Variants in ROBO1 observed in about 807,000 individuals in gnomAD.
ROBO1 encodes roundabout homolog 1.
In ROBO1, 149 loss-of-function variants were observed where a neutral mutation model predicts 195.9. The ratio of observed to expected loss-of-function variants is 0.76; its 90% CI spans 0.67 to 0.87. The LOEUF is 0.87. Ranked by LOEUF, ROBO1 falls within the 40% of genes least tolerant of loss-of-function variation. ROBO1 has a pLI of 0.00. For synonymous variants in ROBO1, 816 were observed against 733.2 expected (o/e 1.11, Z -1.82); for missense variants, 1,933 against 2,068.3 (o/e 0.93, Z 1.27).
In ROBO1 at chr3:78,809,374, G is replaced by A. The variant is rs376077253; in HGVS notation, c.500-62474C>T. ...GGAGAGGATGTGGAGAAATAGGAAC[G>A]CTTTTACACTGTTGGTGGGAGTGTC... On this transcript the variant is annotated intron_variant, in intron 4 of 30. Transcript: ENST00000464233. Among the ~76,000 whole-genome samples the A allele has an allele frequency of 3.3e-3, 502 of 152,206 alleles. 2 individuals carry two copies. The highest frequency in any genetic ancestry group is 8.5e-3 in the African/African-American group (352 of 41,548).
chr3:79,516,877 G>T (rs1940968178), intron 2 of ROBO1, among the ~76,000 whole-genome samples: 1 of 152,092 alleles, frequency 6.6e-6, no homozygotes, highest in African/African-American at 2.4e-5. Flanking sequence ...TTTTTTACAA[G>T]AAAGAAAGAT....
chr3:79,703,101 T>G (rs1376067337), intron 1 of ROBO1, among the ~76,000 whole-genome samples: 2 of 151,924 alleles, frequency 1.3e-5, no homozygotes, highest in African/African-American at 4.8e-5. Flanking sequence ...AAGGTTAATG[T>G]AAAATTCTAA....
chr3:78,662,296 AAG>A (rs1316079496), intron 14 of ROBO1, among the ~76,000 whole-genome samples, 182 bp from the exon 15 acceptor site: 1 of 152,144 alleles, frequency 6.6e-6, no homozygotes, highest in African/African-American at 2.4e-5. Context: ...TCAGGAAAGT[AAG>A]AGGGGATAGA....
chr3:78,775,121 T>G (rs2108449033), intron 4 of ROBO1, among the ~76,000 whole-genome samples: 1 of 152,296 alleles, frequency 6.6e-6, no homozygotes, highest in Admixed American at 6.5e-5. Flanking sequence ...AAGATGTCAG[T>G]TTGTACCCAT....
At position 78,754,193 on chromosome 3, in the gene ROBO1, T is replaced by C. The variant is rs561361524; in HGVS notation, c.500-7293A>G. ...CTTGCCATTTATATGGTGCATTACA[T>C]CTGCAAAGAAGTATTGCTATTAGTC... On this transcript the variant is annotated intron_variant, in intron 4 of 30. Transcript: ENST00000464233. 3.3e-5 allele frequency among the ~76,000 whole-genome samples: 5 copies of C among 152,324 alleles called. 1 individual carries two copies. Among genetic ancestry groups the C allele is most frequent in the Admixed American group, 3.3e-4 (5 of 15,296 alleles).
chr3:79,169,790 C>A (rs2081134545), intron 2 of ROBO1, among the ~76,000 whole-genome samples: 1 of 151,988 alleles, frequency 6.6e-6, no homozygotes, highest in Admixed American at 6.6e-5. Context: ...TATCTCAATT[C>A]AAAATTTCAC....
chr3:79,095,495 A>G (rs2079550976), intron 3 of ROBO1, among the ~76,000 whole-genome samples: 1 of 152,046 alleles, frequency 6.6e-6, no homozygotes, highest in Admixed American at 6.6e-5. Flanking sequence ...TCTTCCTGGA[A>G]GATGAACCTC....
At chr3:79,050,277 A>C (rs572492355) in intron 3 of ROBO1, among the ~76,000 whole-genome samples, 1 of 152,300 alleles carries the variant, frequency 6.6e-6, no homozygotes, top group Non-Finnish European at 1.5e-5. Context: ...GCTTTAAACC[A>C]ACAAAGATCA....
intron 8 of ROBO1, among the ~76,000 whole-genome samples, chr3:78,710,844 CA>C (rs2081666448): frequency 6.6e-6 from 1 of 152,302 alleles, no homozygotes; most frequent in South Asian, 2.1e-4. Context: ...AGTAACTCCT[CA>C]TTCCTGAGGT....
At chr3:79,232,104 T>C (rs1357793659) in intron 2 of ROBO1, among the ~76,000 whole-genome samples, 12 of 151,982 alleles carry the variant, frequency 7.9e-5, no homozygotes, top group Non-Finnish European at 1.8e-4. Context: ...TAACGGATAC[T>C]AGGCTTAATA....
intron 2 of ROBO1, among the ~76,000 whole-genome samples, chr3:79,254,293 T>C (rs1268326118): frequency 5.3e-5 from 8 of 152,190 alleles, no homozygotes; most frequent in African/African-American, 1.7e-4. Context: ...ACCTGCTGTT[T>C]TGCATAATAG....
intron 4 of ROBO1, among the ~76,000 whole-genome samples, chr3:78,782,066 T>A (rs1003805417): frequency 6.6e-5 from 10 of 152,214 alleles, no homozygotes; most frequent in Non-Finnish European, 1.3e-4. Flanking sequence ...ATTATTCTAC[T>A]GTAGTTATCT....
At chr3:79,751,265 T>C (rs1379076855) in intron 1 of ROBO1, among the ~76,000 whole-genome samples, 1 of 152,200 alleles carries the variant, frequency 6.6e-6, no homozygotes, top group Non-Finnish European at 1.5e-5. Flanking sequence ...TTACATACTG[T>C]TTATGATTTA....
At chr3:79,738,578 G>A (rs568025570) in intron 1 of ROBO1, among the ~76,000 whole-genome samples, 27 of 152,170 alleles carry the variant, frequency 1.8e-4, no homozygotes, top group Admixed American at 2.0e-4. Flanking sequence ...TTTCTTTAGC[G>A]TTAAAAACAA....
At chr3:79,058,768 C>T (rs368221157) in intron 3 of ROBO1, among the ~76,000 whole-genome samples, 16 of 152,156 alleles carry the variant, frequency 1.1e-4, no homozygotes, top group Middle Eastern at 3.4e-3. Flanking sequence ...ATCTGGATTC[C>T]GGTAACTTTG....
intron 3 of ROBO1, among the ~76,000 whole-genome samples, chr3:78,947,088 C>G (rs1560034059): frequency 1.3e-5 from 2 of 151,280 alleles, no homozygotes; most frequent in Admixed American, 6.6e-5. Context: ...ATTTTAACAC[C>G]CCACTATCAA....
At chr3:78,729,126 T>C (rs2082230886) in intron 5 of ROBO1, among the ~76,000 whole-genome samples, 1 of 152,178 alleles carries the variant, frequency 6.6e-6, no homozygotes, top group East Asian at 1.9e-4. Context: ...TATTTCCATT[T>C]CTCCTCCTAA....
chr3:79,071,413 C>T (rs1302092664), intron 3 of ROBO1, among the ~76,000 whole-genome samples: 1 of 151,574 alleles, frequency 6.6e-6, no homozygotes, highest in Non-Finnish European at 1.5e-5. Context: ...TCTCTTTAAT[C>T]CCTAAAGTAA....
At chr3:79,186,533 C>A (rs1263839848) in intron 2 of ROBO1, among the ~76,000 whole-genome samples, 1 of 152,078 alleles carries the variant, frequency 6.6e-6, no homozygotes, top group Non-Finnish European at 1.5e-5. Context: ...TGGGCCCTGC[C>A]ACTTGCATCT....
Sources: gnomAD v4.1 joint callset for allele counts (sites outside exome capture counted in the v4.1 genomes callset) on GRCh38, gnomAD v4.1.1 for gene constraint, MANE v1.5 for transcripts, NCBI Gene and HGNC (gene_info 2026-07-23, HGNC 2026-07-21) for gene names.